Variants in EHMT1 observed in about 807,000 individuals in gnomAD.
EHMT1 encodes euchromatic histone lysine methyltransferase 1.
EHMT1 carries 15 observed loss-of-function variants against 147.2 expected under a neutral mutation model. The observed-to-expected ratio is 0.10, with a 90% CI of 0.07 to 0.16. EHMT1 has a LOEUF of 0.16. EHMT1 is among the 10% of genes least tolerant of loss of function. EHMT1 has a pLI of 1.00. For missense variants in EHMT1, 1,587 were observed against 1,772.4 expected (o/e 0.90, Z 1.88); for synonymous variants, 795 against 709.6 (o/e 1.12, Z -1.91).
chr9:137,797,429 C>T (rs977187518), intron 16 of EHMT1, among the ~76,000 whole-genome samples: 6 of 152,112 alleles, frequency 3.9e-5, no homozygotes, highest in Non-Finnish European at 8.8e-5. Context: ...CCTTTGCTGG[C>T]GTCTGTCTCT....
rs1021312829 is a variant in EHMT1, at chr9:137,775,550, G to A, written c.1791+298G>A. Among the ~76,000 whole-genome samples the A allele has an allele frequency of 5.3e-5, 8 of 151,918 alleles. No individual in the cohort carries two copies. Among genetic ancestry groups the A allele is most frequent in the Admixed American group, 2.0e-4 (3 of 15,268 alleles). On this transcript the variant is annotated intron_variant, in intron 11 of 26. Transcript: ENST00000460843. The surrounding 1 kb of genome is among the most constrained non-coding windows in gnomAD (Gnocchi z 6.1). ...GGCCAGAGGAGGGAAGTGAGGGTTG[G>A]GGGTGAAGGTGTCTAAGGCACTGGG...
chr9:137,780,070 CGCTGAGATGTATGGTGATGAT>C (rs1407757408), intron 14 of EHMT1, among the ~76,000 whole-genome samples: 2 of 149,840 alleles, frequency 1.3e-5, no homozygotes, highest in African/African-American at 2.5e-5. Context: ...GTGGTGATGA[CGCTGAGATGTATGGTGATGAT>C]GCTGAGATGT....
rs150247731 is a variant in EHMT1, at chr9:137,726,298, G to A, written c.643-2051G>A. ...TCCCATTCCTCTCTCCCAGTCCCTG[G>A]CAATACCATTCTACTTTCTGTGTCC... is the stretch of plus-strand genomic sequence containing the variant. On this transcript the variant is annotated intron_variant, in intron 3 of 26. Coordinates refer to ENST00000460843, the MANE Select transcript of EHMT1 (RefSeq NM_024757.5). Among the ~76,000 whole-genome samples, 5 of 152,176 alleles carry A rather than the reference G, an allele frequency of 3.3e-5. No homozygotes were observed. The East Asian group carries it at 9.7e-4, about 29-fold the overall frequency.
rs189666554 is a variant in EHMT1, at chr9:137,681,212, C to T, written c.22-29755C>T. ...ACTGGGTGGTTCAGTTCTCTGTCCC[C>T]GGGGAGCTGTCCTGCTGGGGCAGGT... On this transcript the variant is annotated intron_variant, in intron 1 of 26. Coordinates refer to ENST00000460843, the MANE Select transcript of EHMT1 (RefSeq NM_024757.5). Among the ~76,000 whole-genome samples, 9 of 152,272 alleles carry T rather than the reference C, an allele frequency of 5.9e-5. No individual in the cohort carries two copies. In the East Asian group the frequency reaches 9.7e-4, roughly 16 times the overall value.
intron 17 of EHMT1, among the ~76,000 whole-genome samples, chr9:137,799,338 A>G (rs1011090200): frequency 6.6e-6 from 1 of 152,040 alleles, no homozygotes; most frequent in Non-Finnish European, 1.5e-5. Context: ...GTGTCTAGGT[A>G]TTACCATTTG....
intron 16 of EHMT1, 130 bp downstream of exon 16, chr9:137,791,100 T>C (rs987527101): frequency 2.0e-6 from 3 of 1,474,960 alleles, no homozygotes; most frequent in African/African-American, 2.8e-5. Context: ...TGTCCAGAAA[T>C]AGTTCCTTCA....
At chr9:137,783,189 C>T (rs951659077) in intron 15 of EHMT1, among the ~76,000 whole-genome samples, 1 of 152,220 alleles carries the variant, frequency 6.6e-6, no homozygotes, top group Non-Finnish European at 1.5e-5. Context: ...CCTGTCAGTT[C>T]TAGGAGGATT....
intron 6 of EHMT1, among the ~76,000 whole-genome samples, chr9:137,744,979 A>G (rs1948425423): frequency 6.6e-6 from 1 of 152,260 alleles, no homozygotes; most frequent in African/African-American, 2.4e-5. Flanking sequence ...GGAGTGACGC[A>G]TTTCATAAGG....
intron 1 of EHMT1, among the ~76,000 whole-genome samples, chr9:137,669,623 C>T (rs1940292234): frequency 6.6e-6 from 1 of 151,994 alleles, no homozygotes; most frequent in Non-Finnish European, 1.5e-5. Context: ...CTTCCCTGGC[C>T]CCTCCCCCAC....
chr9:137,704,383 C>A (rs924910282), intron 1 of EHMT1, among the ~76,000 whole-genome samples: 2 of 152,112 alleles, frequency 1.3e-5, no homozygotes, highest in Non-Finnish European at 2.9e-5. Context: ...GGACCAAGAC[C>A]GGAGGCTTGT....
chr9:137,726,800 C>T (rs1946676608), intron 3 of EHMT1, among the ~76,000 whole-genome samples: 1 of 152,220 alleles, frequency 6.6e-6, no homozygotes, highest in Admixed American at 6.5e-5. Flanking sequence ...ATCCATGCTG[C>T]TCACTGTGGT....
intron 1 of EHMT1, among the ~76,000 whole-genome samples, chr9:137,664,556 G>A (rs1416800643): frequency 6.6e-6 from 1 of 151,928 alleles, no homozygotes; most frequent in Non-Finnish European, 1.5e-5. Flanking sequence ...ACTGCGCCTG[G>A]CCCGATACTC....
intron 9 of EHMT1, among the ~76,000 whole-genome samples, chr9:137,761,994 C>T (rs1343581149): frequency 2.6e-5 from 4 of 152,210 alleles, no homozygotes; most frequent in African/African-American, 7.2e-5. Context: ...CCATCCGGGG[C>T]TGGGGCAGGG....
At chr9:137,719,639 C>G (rs1006585168) in intron 3 of EHMT1, among the ~76,000 whole-genome samples, 21 of 152,310 alleles carry the variant, frequency 1.4e-4, no homozygotes, top group African/African-American at 5.1e-4. Flanking sequence ...ACCAAGCTTC[C>G]TTCAGTGGTG....
In EHMT1 at chr9:137,828,992, G is replaced by T. The variant is rs1451979998; in HGVS notation, c.3541-5357G>T. ...TGGCGAAGTGAAGTGAGCACCTGTA[G>T]TGAGGTCCACTCCAAGCACCAGGCC... On this transcript the variant is annotated intron_variant, in intron 25 of 26. Coordinates refer to ENST00000460843, the MANE Select transcript of EHMT1 (RefSeq NM_024757.5). This position sits in a 1 kb window ranked among gnomAD's most constrained non-coding sequence, Gnocchi z 5.3. Among the ~76,000 whole-genome samples, 1 of 152,166 alleles carries T rather than the reference G, an allele frequency of 6.6e-6. No homozygotes were observed. Among genetic ancestry groups the T allele is most frequent in the Non-Finnish European group, 1.5e-5 (1 of 68,018 alleles).
At position 137,800,882 on chromosome 9, in the gene EHMT1, T is replaced by C. The variant is rs1480478493; in HGVS notation, c.2610T>C (p.Asp870=). ...AGCTTTGTCCTCTTCCCTGGCAGGA[T>C]GACGGAGGCTGGACACCCATGATCT... is the stretch of plus-strand genomic sequence containing the variant. ...SNGQMDVNCQ[D]DGGWTPMIWA... Residue 870 remains aspartate, a splice_region_variant and synonymous_variant, in exon 18 of 27, where the codon GAT becomes GAC. Coordinates refer to ENST00000460843, the MANE Select transcript of EHMT1 (RefSeq NM_024757.5). The C allele has an allele frequency of 1.2e-6, 2 of 1,613,918 alleles. No individual in the cohort carries two copies. Among genetic ancestry groups the C allele is most frequent in the South Asian group, 2.2e-5 (2 of 91,066 alleles).
chr9:137,678,627 T>C (rs1311729143), intron 1 of EHMT1, among the ~76,000 whole-genome samples: 1 of 152,058 alleles, frequency 6.6e-6, no homozygotes, highest in Non-Finnish European at 1.5e-5. Context: ...GAACTCTCTA[T>C]ATACCAGGTT....
At chr9:137,823,768 G>A (rs2132944629) in intron 25 of EHMT1, among the ~76,000 whole-genome samples, 1 of 151,888 alleles carries the variant, frequency 6.6e-6, no homozygotes, top group East Asian at 1.9e-4. Context: ...ATGTTGGCCA[G>A]GCTGGTCTCG....
At chr9:137,688,284 A>G (rs571057998) in intron 1 of EHMT1, among the ~76,000 whole-genome samples, 1 of 152,240 alleles carries the variant, frequency 6.6e-6, no homozygotes, top group Non-Finnish European at 1.5e-5. Flanking sequence ...TCGGCCTTCC[A>G]AAGTGCTGGG....
Sources: gnomAD v4.1 joint callset for allele counts (sites outside exome capture counted in the v4.1 genomes callset) on GRCh38, gnomAD v4.1.1 for gene constraint, Gnocchi (gnomAD v3.1) non-coding constraint, MANE v1.5 for transcripts, NCBI Gene and HGNC (gene_info 2026-07-23, HGNC 2026-07-21) for gene names.